The following SHCBP1 variants were observed in gnomAD, a reference collection of about 807,000 sequenced individuals.
SHCBP1 encodes the protein SHC binding and spindle associated 1.
A neutral mutation model predicts 75.1 loss-of-function variants in SHCBP1; 60 were observed. The observed-to-expected ratio is 0.80, with a 90% CI of 0.65 to 0.99. SHCBP1 has a LOEUF of 0.99. Ranked by LOEUF, SHCBP1 falls within the 50% of genes least tolerant of loss-of-function variation. SHCBP1 has a pLI of 0.00. For missense variants in SHCBP1, 709 were observed against 809.4 expected, an observed-to-expected ratio of 0.88 and a Z score of 1.50; for synonymous variants, 290 against 293.2, an observed-to-expected ratio of 0.99 and a Z score of 0.11.
In SHCBP1 at chr16:46,581,663, CA is replaced by C. The variant is rs1964871788; in HGVS notation, c.*65del. On this transcript the variant is annotated 3_prime_UTR_variant, in exon 13 of 13. Transcript: ENST00000303383. ...CAGACAATACAGCAAACTACAATGGCAGCAGTGATTCTTAGGGCAGCATGTG... is the reference window on the plus strand; with the variant it reads ...CAGACAATACAGCAAACTACAATGGCGCAGTGATTCTTAGGGCAGCATGTG... 7.3e-7 allele frequency: 1 copy of C among 1,366,534 alleles called. No homozygotes were observed. Among genetic ancestry groups the C allele is most frequent in the African/African-American group, 1.4e-5 (1 of 69,398 alleles). 84.7% of individuals were successfully genotyped at this position (1,366,534 alleles called of 1,614,324 possible).
In SHCBP1 at chr16:46,621,334, C is replaced by A. The variant is rs1320223317; in HGVS notation, c.26G>T (p.Gly9Val). 12 of 1,611,224 alleles carry A rather than the reference C, an allele frequency of 7.4e-6. No individual in the cohort carries two copies. In the Admixed American group the frequency reaches 8.3e-5, roughly 11 times the overall value. The change falls in exon 1 of 13, where the codon GGC (glycine) becomes GTC (valine). Residue 9 changes from glycine to valine, a missense_variant. By Grantham distance (109) the Gly-to-Val change is moderately radical (BLOSUM62 -3). Coordinates refer to ENST00000303383, the MANE Select transcript of SHCBP1 (RefSeq NM_024745.5). ...CGCCATGGCCGCTGCCTCCAGACCG[C>A]CGCCCGTCAGCGACCCGTCAGCCAT... Reference protein sequence around the residue: MADGSLTGGGLEAAAMAPE... With the variant: MADGSLTGVGLEAAAMAPE...
At chr16:46,585,574 T>G (rs1229150771) in intron 10 of SHCBP1, among the ~76,000 whole-genome samples, 2 of 152,110 alleles carry the variant, frequency 1.3e-5, no homozygotes, top group Non-Finnish European at 2.9e-5. Context: ...AGAGGAAAAC[T>G]TTTAGATAAT....
intron 4 of SHCBP1, among the ~76,000 whole-genome samples, chr16:46,611,690 A>G (rs886265558): frequency 2.6e-5 from 4 of 152,216 alleles, no homozygotes; most frequent in Admixed American, 2.0e-4. Flanking sequence ...CAGTCAGCCT[A>G]TGGTAAAATT....
intron 2 of SHCBP1, 114 bp downstream of exon 2, chr16:46,618,091 A>G (rs2011677): frequency 1 from 1,023,872 of 1,027,404 alleles, 510,228 homozygotes; most frequent in Non-Finnish European, 1. Flanking sequence ...CAGGAGAATC[A>G]CCTGAACCTG....
At chr16:46,599,669 T>C (rs867680474) in intron 9 of SHCBP1, among the ~76,000 whole-genome samples, 162 bp downstream of exon 9, 1 of 23,136 alleles carries the variant, frequency 4.3e-5, no homozygotes, top group African/African-American at 1.7e-4. Context: ...CTTCAATTTG[T>C]AAAAAAAAAA....
At chr16:46,596,272 G>A (rs1965139794) in intron 9 of SHCBP1, among the ~76,000 whole-genome samples, 2 of 152,108 alleles carry the variant, frequency 1.3e-5, no homozygotes, top group South Asian at 2.1e-4. Context: ...TTGGGAGGCC[G>A]AGGGGGGCAG....
chr16:46,596,367 C>T (rs1282071871), intron 9 of SHCBP1, among the ~76,000 whole-genome samples: 2 of 151,748 alleles, frequency 1.3e-5, no homozygotes, highest in Admixed American at 6.6e-5. Context: ...ATTAGCCGAG[C>T]GTGGTGGTGG....
At position 46,581,919 on chromosome 16, in the gene SHCBP1, C is replaced by T; in HGVS notation, c.1829G>A (p.Gly610Glu). The change falls in exon 13 of 13, where the codon GGA becomes GAA. Residue 610 changes from glycine to glutamate, a missense_variant. Physicochemically the swap from Gly to Glu is moderately conservative, Grantham distance 98. Coordinates refer to ENST00000303383, the MANE Select transcript of SHCBP1 (RefSeq NM_024745.5). ...TAGTTCATTTACAATTTCACAATTTCCCTCGACTTGCTCAGAAGGGTCAGT... is the reference window on the plus strand; with the variant it reads ...TAGTTCATTTACAATTTCACAATTTTCCTCGACTTGCTCAGAAGGGTCAGT... ...ARTDPSEQVE[G>E]NCEIVNELIA... 3.1e-6 allele frequency: 5 copies of T among 1,614,124 alleles called. No individual in the cohort carries two copies. The highest frequency in any genetic ancestry group is 3.4e-6 in the Non-Finnish European group (4 of 1,180,016).
chr16:46,604,539 T>C, intron 5 of SHCBP1, 78 bp from the exon 6 acceptor site: 1 of 944,548 alleles, frequency 1.1e-6, no homozygotes, highest in South Asian at 1.5e-5. Flanking sequence ...CACTTAGCCC[T>C]CAAAGACCCA....
chr16:46,581,602 C>G lies in SHCBP1; in HGVS notation c.*127G>C. ...ACACCTGCAAATGGAAATAAATCTA[C>G]CTTTCACTCAAGCCCAAATAATCAA... On this transcript the variant is annotated 3_prime_UTR_variant, in exon 13 of 13. Coordinates refer to ENST00000303383, the MANE Select transcript of SHCBP1 (RefSeq NM_024745.5). The G allele has an allele frequency of 1.2e-6, 1 of 844,952 alleles. No homozygotes were observed. Among genetic ancestry groups the G allele is most frequent in the Non-Finnish European group, 1.8e-6 (1 of 541,018 alleles). The allele number at this position is 844,952 out of a possible 1,614,324, so 52.3% of individuals were successfully genotyped here. A position where few individuals can be genotyped will look rare whatever the true frequency, so the allele number is the denominator to read the frequency against.
At chr16:46,582,658 TAAA>T (rs1964891187) in intron 12 of SHCBP1, among the ~76,000 whole-genome samples, 1 of 152,162 alleles carries the variant, frequency 6.6e-6, no homozygotes. Flanking sequence ...ACCCATGAGC[TAAA>T]GGAATGAATT....
At chr16:46,614,531 G>C (rs1965466528) in intron 4 of SHCBP1, among the ~76,000 whole-genome samples, 1 of 152,106 alleles carries the variant, frequency 6.6e-6, no homozygotes, top group Non-Finnish European at 1.5e-5. Context: ...CACTGATCCA[G>C]GTATGGGCTT....
intron 12 of SHCBP1, 88 bp from the exon 13 acceptor site, chr16:46,582,142 A>G (rs1041784568): frequency 7.3e-7 from 1 of 1,377,374 alleles, no homozygotes; most frequent in Non-Finnish European, 9.8e-7. Context: ...CTCAACAAGC[A>G]GCTGCCTTGC....
intron 10 of SHCBP1, among the ~76,000 whole-genome samples, chr16:46,592,950 T>TAAAAAAAAAAAA (rs1567444433): frequency 6.9e-4 from 1 of 1,442 alleles, no homozygotes; most frequent in Non-Finnish European, 1.4e-3. Flanking sequence ...ATAAAAATTC[T>TAAAAAAAAAAAA]CAAAAAAAAA....
intron 1 of SHCBP1, chr16:46,620,655 C>G (rs1965571622): frequency 6.6e-6 from 1 of 151,978 alleles, no homozygotes; most frequent in African/African-American, 2.4e-5. Context: ...CACAATACAA[C>G]CGAAAGTGTT....
Position 46,617,701 on chromosome 16 carries a change from T to G in SHCBP1, c.320A>C (p.Glu107Ala). 6.2e-7 allele frequency: 1 copy of G among 1,613,282 alleles called. No homozygotes were observed. Among genetic ancestry groups the G allele is most frequent in the East Asian group, 2.2e-5 (1 of 44,886 alleles). ...EVQEFTAEFLEKVLEPSGWRA... is the reference protein window; with the variant it reads ...EVQEFTAEFLAKVLEPSGWRA... ...CCATCCAGATGGCTCAAGGACCTTC[T>G]CCAAGAACTCAGCTGTGAATTCCTG... The change falls in exon 3 of 13, where the codon GAG becomes GCG. Residue 107 changes from glutamate (E) to alanine (A), a missense_variant. Transcript: ENST00000303383.
intron 10 of SHCBP1, among the ~76,000 whole-genome samples, chr16:46,587,071 G>C (rs1964965138): frequency 6.6e-6 from 1 of 152,082 alleles, no homozygotes; most frequent in Admixed American, 6.5e-5. Context: ...TCTCTTGAGT[G>C]TTCTAAATTA....
At chr16:46,604,499 C>T in intron 5 of SHCBP1, 38 bp from the exon 6 acceptor site, 2 of 1,451,286 alleles carry the variant, frequency 1.4e-6, no homozygotes, top group Non-Finnish European at 1.9e-6. Flanking sequence ...CACTGCCTTT[C>T]AGGCACATTT....
At chr16:46,602,793 GCTAATTTTTGTATTTTTAGTACCGA>G (rs1001744197) in intron 8 of SHCBP1, among the ~76,000 whole-genome samples, 53 of 152,238 alleles carry the variant, frequency 3.5e-4, no homozygotes, top group African/African-American at 1.2e-3. Flanking sequence ...AACATGCCCG[GCTAATTTTTGTATTTTTAGTACCGA>G]CGGGGTTTCA....
Sources: gnomAD v4.1 joint callset for allele counts (sites outside exome capture counted in the v4.1 genomes callset) on GRCh38, gnomAD v4.1.1 for gene constraint, MANE v1.5 for transcripts, NCBI Gene and HGNC (gene_info 2026-07-23, HGNC 2026-07-21) for gene names.